The following TENM3 variants were observed in gnomAD, a reference collection of about 807,000 sequenced individuals.
The protein encoded by TENM3 is teneurin-3.
TENM3 carries 63 observed loss-of-function variants against 255.1 expected under a neutral mutation model. The ratio of observed to expected loss-of-function variants is 0.25; its 90% CI spans 0.20 to 0.30. TENM3 has a LOEUF of 0.30. Among genes scored for constraint, TENM3 ranks in the 10% least tolerant of loss-of-function variants. The probability of loss-of-function intolerance (pLI) is 1.00; values close to 1 mark genes in which losing one functional copy is unlikely to be tolerated. For missense variants in TENM3, 2,929 were observed against 3,461.1 expected (o/e 0.85, Z 3.86); for synonymous variants, 1,306 against 1,322.3 (o/e 0.99, Z 0.27).
the TENM3 span, among the ~76,000 whole-genome samples, chr4:181,742,832 C>T: frequency 1.5e-5 from 2 of 134,142 alleles, no homozygotes; most frequent in Admixed American, 7.7e-5. Context: ...CTCCCTCCCC[C>T]CTCCCCACAA....
chr4:182,006,011 A>G, the TENM3 span, among the ~76,000 whole-genome samples: 1 of 152,164 alleles, frequency 6.6e-6, no homozygotes, highest in African/African-American at 2.4e-5. Flanking sequence ...GTAGCCTGCC[A>G]GCAGAGACAA....
chr4:181,681,478 T>C, the TENM3 span, among the ~76,000 whole-genome samples: 1 of 152,124 alleles, frequency 6.6e-6, no homozygotes. Flanking sequence ...ATTTCCTGAG[T>C]ACTGTTTTTG....
At chr4:182,760,998 A>T (rs1763144010) in intron 22 of TENM3, among the ~76,000 whole-genome samples, 1 of 152,268 alleles carries the variant, frequency 6.6e-6, no homozygotes, top group Non-Finnish European at 1.5e-5. Flanking sequence ...AGATATCATT[A>T]ATTAGAAAAG....
the TENM3 span, among the ~76,000 whole-genome samples, chr4:181,978,687 G>C: frequency 4.7e-5 from 7 of 149,096 alleles, no homozygotes; most frequent in African/African-American, 1.7e-4. Context: ...AAAAACCAGA[G>C]CAAAAGAGAA....
intron 6 of TENM3, among the ~76,000 whole-genome samples, chr4:182,668,758 T>C (rs1230313344): frequency 2.6e-5 from 4 of 152,176 alleles, no homozygotes; most frequent in Admixed American, 2.6e-4. Flanking sequence ...AAGGCAAGAA[T>C]ACCTAGCTTA....
At chr4:182,069,964 AG>A in the TENM3 span, among the ~76,000 whole-genome samples, 1 of 152,210 alleles carries the variant, frequency 6.6e-6, no homozygotes, top group Non-Finnish European at 1.5e-5. Context: ...TGTCAGGGAA[AG>A]CTTCCCAGAG....
chr4:182,639,830 A>G (rs993015574), intron 5 of TENM3, among the ~76,000 whole-genome samples: 1 of 152,084 alleles, frequency 6.6e-6, no homozygotes, highest in Non-Finnish European at 1.5e-5. Flanking sequence ...GGTGGCTCAC[A>G]CCTGTAATCC....
the TENM3 span, among the ~76,000 whole-genome samples, chr4:181,501,752 T>G: frequency 6.6e-6 from 1 of 152,142 alleles, no homozygotes; most frequent in Non-Finnish European, 1.5e-5. Flanking sequence ...AGTTCAAAGG[T>G]GAAAACAGGG....
At chr4:181,644,956 AG>A in the TENM3 span, among the ~76,000 whole-genome samples, 2 of 152,150 alleles carry the variant, frequency 1.3e-5, no homozygotes, top group African/African-American at 4.8e-5. Flanking sequence ...AAGACTCAAA[AG>A]GTTTGATGGA....
At chr4:182,186,483 T>C (rs1274851186) in intron 1 of TENM3, among the ~76,000 whole-genome samples, 1 of 151,820 alleles carries the variant, frequency 6.6e-6, no homozygotes, top group East Asian at 1.9e-4. Flanking sequence ...TTTTTAATAA[T>C]AGAAGATAAT....
chr4:181,969,573 C>T, the TENM3 span, among the ~76,000 whole-genome samples: 2 of 152,318 alleles, frequency 1.3e-5, no homozygotes, highest in East Asian at 3.9e-4. Flanking sequence ...TGTCTTGTCT[C>T]TCTCACAAAA....
intron 1 of TENM3, among the ~76,000 whole-genome samples, chr4:182,274,950 G>A (rs79228665): frequency 0.055 from 8,412 of 151,912 alleles, 467 homozygotes; most frequent in African/African-American, 0.14. Context: ...TCGGCCTCCC[G>A]CATAGTTCAG....
chr4:181,991,769 TC>T, the TENM3 span, among the ~76,000 whole-genome samples: 53 of 152,140 alleles, frequency 3.5e-4, no homozygotes, highest in Non-Finnish European at 6.3e-4. Flanking sequence ...AGGGGTTACC[TC>T]TGTAGCCAGC....
the TENM3 span, among the ~76,000 whole-genome samples, chr4:181,543,220 A>G: frequency 1.3e-5 from 2 of 152,064 alleles, no homozygotes; most frequent in African/African-American, 4.8e-5. Flanking sequence ...AAACGTGTGT[A>G]CTCAAAGCCG....
At chr4:182,365,105 C>G (rs59417744) in intron 3 of TENM3, among the ~76,000 whole-genome samples, 1 of 152,144 alleles carries the variant, frequency 6.6e-6, no homozygotes, top group Non-Finnish European at 1.5e-5. Flanking sequence ...ACAATTGGAC[C>G]GATGAAACGT....
the TENM3 span, among the ~76,000 whole-genome samples, chr4:181,850,705 A>G: frequency 6.6e-6 from 1 of 152,154 alleles, no homozygotes; most frequent in Admixed American, 6.5e-5. Context: ...TGTGTTCTAC[A>G]TTTTAAATTT....
intron 1 of TENM3, among the ~76,000 whole-genome samples, chr4:182,272,982 A>G (rs1189681349): frequency 6.6e-6 from 1 of 152,150 alleles, no homozygotes; most frequent in Admixed American, 6.5e-5. Flanking sequence ...GGTTTGATTT[A>G]AGTTTGTAAA....
the TENM3 span, among the ~76,000 whole-genome samples, chr4:181,881,291 A>G: frequency 1.3e-5 from 2 of 152,132 alleles, no homozygotes; most frequent in South Asian, 2.1e-4. Flanking sequence ...CTTCTCACCA[A>G]TTTTCTAAAC....
chr4:182,492,685 TC>T (rs1735416952), intron 3 of TENM3, among the ~76,000 whole-genome samples: 1 of 152,124 alleles, frequency 6.6e-6, no homozygotes, highest in Non-Finnish European at 1.5e-5. Context: ...TGCCAAATCT[TC>T]AGAGAGGTTA....
Sources: allele counts gnomAD v4.1 joint callset (sites outside exome capture counted in the v4.1 genomes callset), GRCh38; gene constraint gnomAD v4.1.1; transcripts MANE v1.5; gene names NCBI Gene and HGNC (gene_info 2026-07-23, HGNC 2026-07-21).